The following PCDHA2 variants were observed in gnomAD, a reference collection of about 807,000 sequenced individuals.
The protein encoded by PCDHA2 is protocadherin alpha-2.
PCDHA2 carries 58 observed loss-of-function variants against 66.0 expected under a neutral mutation model. The observed-to-expected ratio is 0.88, with a 90% CI of 0.71 to 1.09. PCDHA2 has a LOEUF of 1.09. Ranked by LOEUF, PCDHA2 falls within the 50% of genes least tolerant of loss-of-function variation. The pLI, the probability that PCDHA2 is intolerant of heterozygous loss-of-function variation, is 0.00. For synonymous variants in PCDHA2, 634 were observed against 554.0 expected (o/e 1.14, Z -2.03); for missense variants, 1,267 against 1,242.3 (o/e 1.02, Z -0.30).
intron 1 of PCDHA2, chr5:140,835,619 T>C: frequency 1.2e-6 from 2 of 1,613,890 alleles, no homozygotes; most frequent in African/African-American, 1.3e-5. Flanking sequence ...TGGACAGCGC[T>C]CTGGACCGCG....
chr5:140,963,680 T>G (rs1482854996), intron 1 of PCDHA2, among the ~76,000 whole-genome samples: 1 of 152,238 alleles, frequency 6.6e-6, no homozygotes, highest in African/African-American at 2.4e-5. Context: ...TTAAATGTGT[T>G]TATCCGTGTT....
At chr5:140,843,709 C>T in intron 1 of PCDHA2, 1 of 1,574,864 alleles carries the variant, frequency 6.3e-7, no homozygotes, top group Non-Finnish European at 8.7e-7. Flanking sequence ...TTGATCATGG[C>T]CTCAAAGTAA....
At chr5:140,953,551 T>C (rs565115779) in intron 1 of PCDHA2, among the ~76,000 whole-genome samples, 1 of 152,240 alleles carries the variant, frequency 6.6e-6, no homozygotes, top group East Asian at 1.9e-4. Flanking sequence ...GATTCTTTTC[T>C]CCAAGTTTTA....
At chr5:140,859,880 T>C (rs922706728) in intron 1 of PCDHA2, 1 of 152,036 alleles carries the variant, frequency 6.6e-6, no homozygotes, top group Non-Finnish European at 1.5e-5. Context: ...CCCTCTGATA[T>C]TTTGAAAAAA....
chr5:140,921,165 A>G (rs959305878), intron 1 of PCDHA2, among the ~76,000 whole-genome samples: 1 of 151,798 alleles, frequency 6.6e-6, no homozygotes, highest in Admixed American at 6.6e-5. Context: ...TTTTTTTAAC[A>G]CACATAAAGC....
intron 1 of PCDHA2, among the ~76,000 whole-genome samples, chr5:140,873,723 CAA>C (rs1554166874): frequency 6.6e-6 from 1 of 152,158 alleles, no homozygotes; most frequent in Non-Finnish European, 1.5e-5. Context: ...TGCAGTGGCG[CAA>C]TCTCAGCTCA....
At chr5:140,929,935 T>C (rs1253092331) in intron 1 of PCDHA2, 1 of 152,218 alleles carries the variant, frequency 6.6e-6, no homozygotes, top group Non-Finnish European at 1.5e-5. Context: ...CAGTGTATTC[T>C]CTAGCCTATA....
rs73793540 is a variant in PCDHA2, at chr5:140,959,705, G to T, written c.2389-19244G>T. 8.9e-3 allele frequency among the ~76,000 whole-genome samples: 1,358 copies of T among 152,238 alleles called. 14 individuals are homozygous for T. The highest frequency in any genetic ancestry group is 0.032 in the African/African-American group (1,312 of 41,544). On this transcript the variant is annotated intron_variant, in intron 1 of 3. Coordinates refer to ENST00000526136, the MANE Select transcript of PCDHA2 (RefSeq NM_018905.3). ...AATTTCAATAAAATGAGCTTTGAAA[G>T]GGAAAATTTTTAGATAACATTATCT...
rs1554239929 is a variant in PCDHA2 at position 140,978,939 on chromosome 5, G to A, written c.2389-10G>A. 1 of 1,613,986 alleles carries A rather than the reference G, an allele frequency of 6.2e-7. No individual in the cohort carries two copies. The highest frequency in any genetic ancestry group is 1.3e-5 in the African/African-American group (1 of 74,908). On this transcript the variant is annotated splice_polypyrimidine_tract_variant and intron_variant, in intron 1 of 3. Transcript: ENST00000526136. ...CATTTTAACAGAAAACTCTCTTTGTGATTTTGCAGCCACGACAGCCCAACC... is the reference window on the plus strand; with the variant it reads ...CATTTTAACAGAAAACTCTCTTTGTAATTTTGCAGCCACGACAGCCCAACC...
intron 1 of PCDHA2, chr5:140,811,426 G>A (rs2150026278): frequency 6.6e-6 from 1 of 152,276 alleles, no homozygotes; most frequent in African/African-American, 2.4e-5. Context: ...CATTTGGGTT[G>A]GTTCCAAGTC....
intron 1 of PCDHA2, 83 bp downstream of exon 1, chr5:140,797,435 C>G (rs1356264608): frequency 2.2e-6 from 3 of 1,378,568 alleles, no homozygotes; most frequent in Admixed American, 4.1e-5. Context: ...TATTTAGATT[C>G]ATAGTTCTTC....
chr5:140,877,463 C>T (rs782373755), intron 1 of PCDHA2: 1 of 1,613,772 alleles, frequency 6.2e-7, no homozygotes, highest in East Asian at 2.2e-5. Flanking sequence ...TCCACGGCCA[C>T]GGTGCTGGTG....
At chr5:140,856,020 G>A (rs782082828) in intron 1 of PCDHA2, 2 of 1,553,262 alleles carry the variant, frequency 1.3e-6, no homozygotes, top group African/African-American at 1.4e-5. Context: ...CCGCTGATTC[G>A]TCGATTTGTA....
intron 3 of PCDHA2, among the ~76,000 whole-genome samples, chr5:140,987,261 T>C (rs1245588314): frequency 6.6e-6 from 1 of 151,964 alleles, no homozygotes; most frequent in African/African-American, 2.4e-5. Context: ...TTCTCAGGAA[T>C]GGGACCCGGC....
intron 1 of PCDHA2, chr5:140,808,072 A>G: frequency 6.2e-7 from 1 of 1,613,954 alleles, no homozygotes; most frequent in Non-Finnish European, 8.5e-7. Context: ...AGTTTCACAT[A>G]GATCCAATTA....
At chr5:140,975,053 A>C (rs2096651589) in intron 1 of PCDHA2, among the ~76,000 whole-genome samples, 1 of 152,144 alleles carries the variant, frequency 6.6e-6, no homozygotes, top group Admixed American at 6.5e-5. Flanking sequence ...GGAAGAATCT[A>C]CTATCGAGCT....
chr5:140,807,136 C>G, intron 1 of PCDHA2: 7 of 1,564,272 alleles, frequency 4.5e-6, no homozygotes, highest in Non-Finnish European at 6.1e-6. Flanking sequence ...AAAAGATTTC[C>G]CTTGACTTTG....
intron 1 of PCDHA2, among the ~76,000 whole-genome samples, chr5:140,914,270 ATATATT>A (rs1554196274): frequency 6.6e-6 from 1 of 152,146 alleles, no homozygotes; most frequent in Non-Finnish European, 1.5e-5. Context: ...GTGGGTGCAT[ATATATT>A]TATAATTGTT....
chr5:140,812,316 T>C (rs1271799931), intron 1 of PCDHA2: 7 of 152,138 alleles, frequency 4.6e-5, no homozygotes, highest in African/African-American at 1.7e-4. Context: ...AAAAGCCTCT[T>C]ATAATTGTGG....
Sources: allele counts gnomAD v4.1 joint callset (sites outside exome capture counted in the v4.1 genomes callset), GRCh38; gene constraint gnomAD v4.1.1; transcripts MANE v1.5; gene names NCBI Gene and HGNC (gene_info 2026-07-23, HGNC 2026-07-21).